Variants in RELN observed in about 807,000 individuals in gnomAD.
RELN encodes the protein reelin.
Under a neutral mutation model 427.6 loss-of-function variants are expected in RELN, and 108 were observed. The observed-to-expected ratio is 0.25, with a 90% confidence interval of 0.22 to 0.30. The LOEUF (loss-of-function observed/expected upper bound fraction) is 0.30, where lower values mean the gene tolerates loss of function less well. RELN is among the 10% of genes least tolerant of loss of function. The pLI is 1.00. For synonymous variants in RELN, 1,524 were observed against 1,513.4 expected (o/e 1.01, Z -0.16); for missense variants, 3,715 against 4,302.8 (o/e 0.86, Z 3.82).
At chr7:103,503,893 TAAA>T (rs71154347) in intron 51 of RELN, among the ~76,000 whole-genome samples, 24 of 96,618 alleles carry the variant, frequency 2.5e-4, no homozygotes, top group Admixed American at 8.4e-4. Flanking sequence ...AATGTTCTTG[TAAA>T]AAAAAAAAAA....
At chr7:103,774,505 C>A (rs961965324) in intron 4 of RELN, among the ~76,000 whole-genome samples, 10 of 152,094 alleles carry the variant, frequency 6.6e-5, no homozygotes, top group African/African-American at 2.2e-4. Flanking sequence ...TAATTAAAAT[C>A]AACAAACATA....
intron 36 of RELN, among the ~76,000 whole-genome samples, chr7:103,560,449 T>C (rs920995543): frequency 2.0e-5 from 3 of 152,192 alleles, no homozygotes; most frequent in African/African-American, 7.2e-5. Flanking sequence ...TAAAACATTA[T>C]GCATCTTTCT....
intron 2 of RELN, among the ~76,000 whole-genome samples, chr7:103,834,667 T>G (rs1793356896): frequency 6.6e-6 from 1 of 152,154 alleles, no homozygotes; most frequent in South Asian, 2.1e-4. Context: ...CCAAAAATGA[T>G]ACACGGATGA....
At chr7:103,707,586 C>T (rs1001120324) in intron 8 of RELN, among the ~76,000 whole-genome samples, 5 of 151,236 alleles carry the variant, frequency 3.3e-5, no homozygotes, top group East Asian at 1.9e-4. Flanking sequence ...GCAATCTTTG[C>T]TTCATGGGTT....
intron 3 of RELN, among the ~76,000 whole-genome samples, chr7:103,799,322 C>T (rs1234682556): frequency 6.6e-6 from 1 of 152,088 alleles, no homozygotes; most frequent in Non-Finnish European, 1.5e-5. Flanking sequence ...ATGACTAGGT[C>T]TAGTTACATA....
At chr7:103,744,402 A>G (rs1025719597) in intron 6 of RELN, among the ~76,000 whole-genome samples, 14 of 152,164 alleles carry the variant, frequency 9.2e-5, no homozygotes, top group African/African-American at 2.4e-4. Flanking sequence ...AAGGCAAGAA[A>G]TAACTAAAAT....
intron 1 of RELN, among the ~76,000 whole-genome samples, chr7:103,978,055 T>C (rs1796916939): frequency 6.6e-6 from 1 of 152,094 alleles, no homozygotes; most frequent in Non-Finnish European, 1.5e-5. Context: ...AATGAAAACA[T>C]CTATTTATCT....
intron 63 of RELN, chr7:103,478,625 C>A (rs967387118): frequency 6.3e-6 from 3 of 473,054 alleles, no homozygotes; most frequent in African/African-American, 2.0e-5. Flanking sequence ...TTGCTCATAA[C>A]CATATGTTAA....
chr7:103,671,182 T>C (rs972534579), intron 11 of RELN, among the ~76,000 whole-genome samples: 1 of 152,148 alleles, frequency 6.6e-6, no homozygotes, highest in Non-Finnish European at 1.5e-5. Flanking sequence ...GATGTATACT[T>C]TGAATGAAGC....
At chr7:103,975,578 C>T (rs1228660214) in intron 1 of RELN, among the ~76,000 whole-genome samples, 2 of 146,794 alleles carry the variant, frequency 1.4e-5, no homozygotes, top group Admixed American at 6.8e-5. Context: ...GACGGAGTCT[C>T]GCTCTGTCGC....
chr7:103,523,952 C>T (rs1028810791), intron 46 of RELN, among the ~76,000 whole-genome samples: 3 of 152,192 alleles, frequency 2.0e-5, no homozygotes, highest in African/African-American at 7.2e-5. Flanking sequence ...GCGGGGATTA[C>T]AGGCATGAGC....
intron 20 of RELN, among the ~76,000 whole-genome samples, chr7:103,613,430 C>A (rs1368891708): frequency 6.6e-6 from 1 of 151,936 alleles, no homozygotes; most frequent in Admixed American, 6.6e-5. Flanking sequence ...CCACAGGATG[C>A]AATCTGGAAA....
intron 11 of RELN, among the ~76,000 whole-genome samples, chr7:103,675,199 C>T (rs948823371): frequency 6.6e-6 from 1 of 152,140 alleles, no homozygotes; most frequent in Non-Finnish European, 1.5e-5. Context: ...ACTCAGCATA[C>T]AAAATCAATG....
At chr7:103,909,780 AAT>A (rs1321088657) in intron 2 of RELN, among the ~76,000 whole-genome samples, 24 of 80,788 alleles carry the variant, frequency 3.0e-4, no homozygotes, top group East Asian at 6.3e-4. Context: ...AATATATATA[AAT>A]ATATATATTA....
At chr7:103,720,429 G>A (rs1040885072) in intron 8 of RELN, among the ~76,000 whole-genome samples, 5 of 151,982 alleles carry the variant, frequency 3.3e-5, no homozygotes, top group African/African-American at 1.2e-4. Context: ...TGACCACTTA[G>A]GTTATAATAA....
Position 103,662,093 on chromosome 7 carries a change from C to A in RELN, c.1290-566G>T, listed in dbSNP as rs187392378. On this transcript the variant is annotated intron_variant, in intron 11 of 64. Coordinates refer to ENST00000428762, the MANE Select transcript of RELN (RefSeq NM_005045.4). ...TTTTATTGAGTGCTAACTACCTGGC[C>A]AGATCCTTTTCTAGGGCCTTTACAC... Among the ~76,000 whole-genome samples, 696 of 152,252 alleles carry A rather than the reference C, an allele frequency of 4.6e-3. 4 individuals carry two copies. The highest frequency in any genetic ancestry group is 8.8e-3 in the Admixed American group (134 of 15,290).
chr7:103,972,361 A>C (rs1024641393), intron 1 of RELN, among the ~76,000 whole-genome samples: 8 of 152,262 alleles, frequency 5.3e-5, no homozygotes, highest in Non-Finnish European at 1.2e-4. Flanking sequence ...CTGGATTTAG[A>C]AACTAGTTTC....
At position 103,926,779 on chromosome 7, in the gene RELN, G is replaced by A. The variant is rs896134274; in HGVS notation, c.227-9594C>T. ...CCTGCCTCAGCCTCCCGAGTAGCTC[G>A]GATTACAGGCATGAGCCACCACATC... On this transcript the variant is annotated intron_variant, in intron 1 of 64. Coordinates refer to ENST00000428762, the MANE Select transcript of RELN (RefSeq NM_005045.4). 6.6e-5 allele frequency among the ~76,000 whole-genome samples: 10 copies of A among 151,854 alleles called. No homozygotes were observed. In the East Asian group the frequency reaches 1.8e-3, roughly 27 times the overall value.
At position 103,870,575 on chromosome 7, in the gene RELN, T is replaced by TG. The variant is rs1180106870; in HGVS notation, c.338-36904dup. On this transcript the variant is annotated intron_variant, in intron 2 of 64. Transcript: ENST00000428762. ...GTAATTCTAGAGGAGGTCTTACTCT[T>TG]GGTCATGTCCTTATTGCCAAAGCAT... Among the ~76,000 whole-genome samples, 15 of 152,214 alleles carry TG rather than the reference T, an allele frequency of 9.9e-5. No individual in the cohort carries two copies. In the East Asian group the frequency reaches 2.7e-3, roughly 28 times the overall value.
Sources: gnomAD v4.1 joint callset for allele counts (sites outside exome capture counted in the v4.1 genomes callset) on GRCh38, gnomAD v4.1.1 for gene constraint, MANE v1.5 for transcripts, NCBI Gene and HGNC (gene_info 2026-07-23, HGNC 2026-07-21) for gene names.